Variants in KDM2A observed in about 807,000 individuals in gnomAD.
The protein encoded by KDM2A is lysine demethylase 2A.
In KDM2A, 3 loss-of-function variants were observed where a neutral mutation model predicts 137.3. That is an observed-to-expected ratio of 0.02 (90% confidence interval 0.01 to 0.06). The LOEUF is 0.06. Among genes scored for constraint, KDM2A ranks in the 10% least tolerant of loss-of-function variants. The pLI is 1.00. For missense variants in KDM2A, 738 were observed against 1,510.6 expected, an observed-to-expected ratio of 0.49 and a Z score of 8.48; for synonymous variants, 512 against 541.5, an observed-to-expected ratio of 0.95 and a Z score of 0.76.
At chr11:67,166,639 C>G (rs941300506) in intron 2 of KDM2A, among the ~76,000 whole-genome samples, 69 of 152,166 alleles carry the variant, frequency 4.5e-4, no homozygotes, top group African/African-American at 1.5e-3. Context: ...GCAGGAGGAT[C>G]TCTTGAAGCA....
chr11:67,169,358 GTTTCTTTC>G (rs775880574), intron 2 of KDM2A, among the ~76,000 whole-genome samples: 1 of 150,006 alleles, frequency 6.7e-6, no homozygotes. Flanking sequence ...GACAAGATTG[GTTTCTTTC>G]TTTCTTTCTT....
At chr11:67,242,653 C>T (rs1271379550) in intron 12 of KDM2A, among the ~76,000 whole-genome samples, 3 of 152,074 alleles carry the variant, frequency 2.0e-5, no homozygotes, top group African/African-American at 7.2e-5. Context: ...GTTTGAAGTC[C>T]TTTCTGCTCC....
Position 67,250,243 on chromosome 11 carries a change from G to T in KDM2A, c.2213G>T (p.Arg738Leu). Residue 738 changes from arginine to leucine, a missense_variant, in exon 17 of 21, where the codon CGG becomes CTG. Around this residue, in one of 9 missense-constraint regions of KDM2A, gnomAD observed 244 missense variants for 324.6 expected, o/e 0.75. Coordinates refer to ENST00000529006, the MANE Select transcript of KDM2A (RefSeq NM_012308.3). This position sits in a 1 kb window ranked among gnomAD's most constrained non-coding sequence, Gnocchi z 7.1. Reference protein sequence around the residue: ...DPVSPRGMVTRSSPGAGPSDH... With the variant: ...DPVSPRGMVTLSSPGAGPSDH... ...GTTTCCCCCCGGGGTATGGTGACTC[G>T]GTCATCCCCTGGGGCTGGCCCCAGC... 1 of 1,613,776 alleles carries T rather than the reference G, an allele frequency of 6.2e-7. No individual in the cohort carries two copies. The highest frequency in any genetic ancestry group is 8.5e-7 in the Non-Finnish European group (1 of 1,179,850).
At chr11:67,177,842 G>T (rs1341787185) in intron 2 of KDM2A, among the ~76,000 whole-genome samples, 1 of 152,168 alleles carries the variant, frequency 6.6e-6, no homozygotes. Flanking sequence ...TGGCAGCACA[G>T]TTAGATTTAC....
chr11:67,144,387 G>A (rs946369026), intron 2 of KDM2A, among the ~76,000 whole-genome samples: 2 of 151,216 alleles, frequency 1.3e-5, no homozygotes, highest in Non-Finnish European at 2.9e-5. Context: ...CAAGTAGCTG[G>A]GATTACAGGC....
intron 6 of KDM2A, among the ~76,000 whole-genome samples, chr11:67,214,888 T>C (rs1858112593): frequency 6.6e-6 from 1 of 152,242 alleles, no homozygotes. Flanking sequence ...AATGCAAGGC[T>C]ATAAATCTAT....
intron 5 of KDM2A, among the ~76,000 whole-genome samples, chr11:67,203,854 G>A (rs936387795): frequency 1.3e-5 from 2 of 150,778 alleles, no homozygotes; most frequent in African/African-American, 4.9e-5. Context: ...GGTCCGGAGT[G>A]CAGTGGTGCG....
chr11:67,166,695 T>C (rs1303989337), intron 2 of KDM2A, among the ~76,000 whole-genome samples: 1 of 151,378 alleles, frequency 6.6e-6, no homozygotes, highest in Non-Finnish European at 1.5e-5. Context: ...GTATCTGTAC[T>C]AAGTTTGGCA....
At chr11:67,152,802 TTTAAG>T (rs781018110) in intron 2 of KDM2A, among the ~76,000 whole-genome samples, 4 of 152,096 alleles carry the variant, frequency 2.6e-5, no homozygotes, top group Non-Finnish European at 4.4e-5. Flanking sequence ...AGTAAGAATA[TTTAAG>T]TTATTTAACT....
chr11:67,172,997 A>AT (rs906742320), intron 2 of KDM2A, among the ~76,000 whole-genome samples: 39 of 150,782 alleles, frequency 2.6e-4, no homozygotes, highest in Non-Finnish European at 3.3e-4. Flanking sequence ...TTTTATTTTT[A>AT]TTTTTTTTTG....
intron 18 of KDM2A, among the ~76,000 whole-genome samples, chr11:67,253,229 C>A (rs1453824838): frequency 6.6e-6 from 1 of 152,168 alleles, no homozygotes; most frequent in African/African-American, 2.4e-5. Context: ...GGAAGTCACT[C>A]CTTCTTGTAT....
intron 5 of KDM2A, among the ~76,000 whole-genome samples, chr11:67,206,557 T>C (rs1463361739): frequency 6.6e-6 from 1 of 152,130 alleles, no homozygotes. Flanking sequence ...GGCAACATGG[T>C]GAAACCCCGT....
chr11:67,201,069 T>C (rs1421377995), intron 5 of KDM2A, among the ~76,000 whole-genome samples: 1 of 151,454 alleles, frequency 6.6e-6, no homozygotes, highest in East Asian at 1.9e-4. Flanking sequence ...TGGCGGGCGC[T>C]TGTAGTCCCA....
chr11:67,136,846 C>G (rs1855979323), intron 2 of KDM2A, among the ~76,000 whole-genome samples: 1 of 152,168 alleles, frequency 6.6e-6, no homozygotes, highest in Non-Finnish European at 1.5e-5. Context: ...GTCCCTCTGT[C>G]ATGGAGCTTC....
Position 67,246,131 on chromosome 11 carries a change from G to A in KDM2A, c.1965+15G>A. 1 of 1,613,384 alleles carries A rather than the reference G, an allele frequency of 6.2e-7. No individual in the cohort carries two copies. The highest frequency in any genetic ancestry group is 1.1e-5 in the South Asian group (1 of 90,930). The stretch of plus-strand genomic sequence containing the variant: ...GCTGCCTCCAGGTGAGGAGAGCTAT[G>A]AGGGGTTCCTGAAGTCTCAGCTAAT... On this transcript the variant is annotated intron_variant, in intron 15 of 20. Coordinates refer to ENST00000529006, the MANE Select transcript of KDM2A (RefSeq NM_012308.3).
In KDM2A at chr11:67,128,836, T is replaced by C. The variant is rs368648318; in HGVS notation, c.42+7478T>C. ...ATAGGGCCTAACACATAGCAAGTGC[T>C]GAATAAGTATTTGTTGATATTGTTG... On this transcript the variant is annotated intron_variant, in intron 2 of 20. Transcript: ENST00000529006. Among the ~76,000 whole-genome samples the C allele has an allele frequency of 3.5e-4, 53 of 152,364 alleles. 2 individuals are homozygous for C. The highest frequency in any genetic ancestry group is 1.4e-3 in the Admixed American group (22 of 15,300).
At chr11:67,204,643 C>T (rs1185225355) in intron 5 of KDM2A, among the ~76,000 whole-genome samples, 1 of 152,000 alleles carries the variant, frequency 6.6e-6, no homozygotes, top group Non-Finnish European at 1.5e-5. Context: ...AGGTGCCTGC[C>T]ACCACACCTG....
intron 15 of KDM2A, among the ~76,000 whole-genome samples, chr11:67,247,001 G>A (rs1324634265): frequency 3.2e-5 from 4 of 126,448 alleles, no homozygotes; most frequent in Non-Finnish European, 3.2e-5. Context: ...GCAGTGGCAC[G>A]ATTATACATT....
intron 12 of KDM2A, among the ~76,000 whole-genome samples, chr11:67,238,706 GAAAT>G (rs552657251): frequency 3.9e-5 from 6 of 152,276 alleles, no homozygotes; most frequent in African/African-American, 1.4e-4. Flanking sequence ...AACTGTCCTG[GAAAT>G]AAATAAGAAT....
Sources: gnomAD v4.1 joint callset for allele counts (sites outside exome capture counted in the v4.1 genomes callset) on GRCh38, gnomAD v4.1.1 for gene constraint, gnomAD v4.1.1 regional missense constraint, Gnocchi (gnomAD v3.1) non-coding constraint, MANE v1.5 for transcripts, NCBI Gene and HGNC (gene_info 2026-07-23, HGNC 2026-07-21) for gene names.